The following OXR1 variants were observed in gnomAD, a reference collection of about 807,000 sequenced individuals.
OXR1 encodes oxidation resistance 1, also known as oxidation resistance protein 1.
A neutral mutation model predicts 104.6 loss-of-function variants in OXR1; 41 were observed. The observed-to-expected ratio is 0.39, with a 90% CI of 0.31 to 0.51. The LOEUF (loss-of-function observed/expected upper bound fraction) is 0.51, where lower values mean the gene tolerates loss of function less well. Among genes scored for constraint, OXR1 ranks in the 20% least tolerant of loss-of-function variants. The pLI is 0.77. For missense variants in OXR1, 955 were observed against 1,031.9 expected, an observed-to-expected ratio of 0.93 and a Z score of 1.02; for synonymous variants, 348 against 348.4, an observed-to-expected ratio of 1.00 and a Z score of 0.01.
chr8:106,558,241 A>G (rs1185994767), intron 3 of OXR1, among the ~76,000 whole-genome samples: 5 of 152,246 alleles, frequency 3.3e-5, no homozygotes, highest in Admixed American at 1.3e-4. Flanking sequence ...GTAAAAGCAC[A>G]TAGCCTTTTC....
At chr8:106,302,716 A>G (rs1423375726) in intron 1 of OXR1, among the ~76,000 whole-genome samples, 1 of 152,096 alleles carries the variant, frequency 6.6e-6, no homozygotes, top group African/African-American at 2.4e-5. Flanking sequence ...TGGGGAAGAA[A>G]GGGAAAAACA....
intron 2 of OXR1, among the ~76,000 whole-genome samples, chr8:106,512,767 A>T (rs1812620790): frequency 6.6e-6 from 1 of 152,132 alleles, no homozygotes; most frequent in Non-Finnish European, 1.5e-5. Context: ...ATAGTAGGAA[A>T]GAGAAAACCC....
chr8:106,332,239 T>C (rs1814747925), intron 1 of OXR1, among the ~76,000 whole-genome samples: 1 of 152,176 alleles, frequency 6.6e-6, no homozygotes, highest in South Asian at 2.1e-4. Flanking sequence ...GAGCTGTACA[T>C]AAGAAGCTGT....
intron 1 of OXR1, among the ~76,000 whole-genome samples, chr8:106,349,997 T>G (rs1253316622): frequency 6.6e-6 from 1 of 152,064 alleles, no homozygotes; most frequent in Non-Finnish European, 1.5e-5. Context: ...GTGAAGGCTG[T>G]GGGTATAGGG....
At chr8:106,719,398 T>G (rs1263476986) in intron 11 of OXR1, among the ~76,000 whole-genome samples, 1 of 152,254 alleles carries the variant, frequency 6.6e-6, no homozygotes, top group Non-Finnish European at 1.5e-5. Context: ...TTCAGCTTCA[T>G]CAGCTTATTT....
chr8:106,693,800 T>C (rs550422231), intron 7 of OXR1, among the ~76,000 whole-genome samples: 9 of 152,130 alleles, frequency 5.9e-5, no homozygotes, highest in Non-Finnish European at 1.0e-4. Context: ...AAAGAGAATA[T>C]AGTAAAGTAA....
intron 3 of OXR1, among the ~76,000 whole-genome samples, chr8:106,669,530 T>G (rs1587018714): frequency 6.6e-6 from 1 of 152,168 alleles, no homozygotes; most frequent in East Asian, 1.9e-4. Flanking sequence ...ATTGAGAGAA[T>G]TATTAGAAAA....
chr8:106,624,994 A>G (rs3101547), intron 3 of OXR1, among the ~76,000 whole-genome samples: 91,303 of 151,948 alleles, frequency 0.6, 28,545 homozygotes, highest in African/African-American at 0.79. Flanking sequence ...GTTTCATCAC[A>G]TTGCCCAAGA....
chr8:106,367,353 A>G (rs900158229), intron 2 of OXR1, among the ~76,000 whole-genome samples: 10 of 151,728 alleles, frequency 6.6e-5, no homozygotes, highest in Middle Eastern at 3.2e-3. Context: ...ATGAGCCACC[A>G]CGCCCGATCT....
chr8:106,405,164 A>AGTG (rs1242038570), intron 2 of OXR1, among the ~76,000 whole-genome samples: 1 of 59,308 alleles, frequency 1.7e-5, no homozygotes, highest in Non-Finnish European at 3.3e-5. Flanking sequence ...ATATATATAT[A>AGTG]TATATATATA....
chr8:106,684,418 C>G (rs1051710949), intron 6 of OXR1, 59 bp downstream of exon 6: 13 of 834,254 alleles, frequency 1.6e-5, no homozygotes, highest in Non-Finnish European at 2.5e-5. Context: ...TCTACATTGA[C>G]TGTCTTGTTT....
chr8:106,451,605 T>C (rs1367966658), intron 2 of OXR1, among the ~76,000 whole-genome samples: 1 of 152,220 alleles, frequency 6.6e-6, no homozygotes, highest in Non-Finnish European at 1.5e-5. Context: ...TGTTGAAGTA[T>C]GCTGGTTGAA....
At chr8:106,453,551 AT>A (rs1483598608) in intron 2 of OXR1, among the ~76,000 whole-genome samples, 1 of 152,080 alleles carries the variant, frequency 6.6e-6, no homozygotes, top group Non-Finnish European at 1.5e-5. Context: ...CACACAAACT[AT>A]TTCAAGACTT....
At chr8:106,415,777 A>G (rs1818652931) in intron 2 of OXR1, among the ~76,000 whole-genome samples, 1 of 152,116 alleles carries the variant, frequency 6.6e-6, no homozygotes, top group Admixed American at 6.6e-5. Context: ...TTTTGAACTT[A>G]TATAATTTAT....
intron 3 of OXR1, among the ~76,000 whole-genome samples, chr8:106,616,596 T>C (rs986516171): frequency 6.6e-6 from 1 of 152,206 alleles, no homozygotes; most frequent in Admixed American, 6.5e-5. Flanking sequence ...GGCTTGGTCA[T>C]GTACTTTACT....
chr8:106,460,568 G>T (rs749483491), intron 2 of OXR1, among the ~76,000 whole-genome samples: 13 of 152,160 alleles, frequency 8.5e-5, no homozygotes, highest in Non-Finnish European at 1.5e-4. Flanking sequence ...TCTAAAAGTG[G>T]CTGTGCCTCA....
intron 2 of OXR1, among the ~76,000 whole-genome samples, chr8:106,509,715 T>A (rs1346321509): frequency 6.6e-6 from 1 of 152,168 alleles, no homozygotes; most frequent in East Asian, 1.9e-4. Flanking sequence ...TTATTTGGAT[T>A]TATCTTAGTA....
At chr8:106,293,454 C>G (rs1301913687) in intron 1 of OXR1, among the ~76,000 whole-genome samples, 1 of 152,118 alleles carries the variant, frequency 6.6e-6, no homozygotes, top group Non-Finnish European at 1.5e-5. Context: ...CTGATTTTGT[C>G]ATTGTACAGG....
chr8:106,404,700 C>A (rs1187489767), intron 2 of OXR1, among the ~76,000 whole-genome samples: 1 of 151,510 alleles, frequency 6.6e-6, no homozygotes, highest in Non-Finnish European at 1.5e-5. Context: ...TGCAGTCGCT[C>A]AGCTCCTTGC....
Sources: gnomAD v4.1 joint callset for allele counts (sites outside exome capture counted in the v4.1 genomes callset) on GRCh38, gnomAD v4.1.1 for gene constraint, MANE v1.5 for transcripts, NCBI Gene and HGNC (gene_info 2026-07-23, HGNC 2026-07-21) for gene names.